The following ANKRD30B variants were observed in gnomAD, a reference collection of about 807,000 sequenced individuals.
The protein encoded by ANKRD30B is ankyrin repeat domain-containing protein 30B.
Under a neutral mutation model 202.2 loss-of-function variants are expected in ANKRD30B, and 144 were observed. The ratio of observed to expected loss-of-function variants is 0.71; its 90% CI spans 0.62 to 0.82. The LOEUF is 0.82. ANKRD30B is among the 40% of genes least tolerant of loss of function. ANKRD30B has a pLI of 0.00. For synonymous variants in ANKRD30B, 508 were observed against 561.3 expected (o/e 0.91, Z 1.34); for missense variants, 1,487 against 1,669.1 (o/e 0.89, Z 1.90).
chr18:14,766,803 C>T (rs1472632678), intron 7 of ANKRD30B, among the ~76,000 whole-genome samples: 1 of 152,136 alleles, frequency 6.6e-6, no homozygotes, highest in Non-Finnish European at 1.5e-5. Flanking sequence ...CAACATTTCA[C>T]AGAGTCAGAA....
chr18:14,808,385 C>A, intron 24 of ANKRD30B, 166 bp from the exon 25 acceptor site: 3 of 717,618 alleles, frequency 4.2e-6, no homozygotes, highest in South Asian at 1.5e-5. Flanking sequence ...TATTTCTGTC[C>A]CATTGGCATG....
At chr18:14,755,542 C>T (rs1008581815) in intron 4 of ANKRD30B, among the ~76,000 whole-genome samples, 1 of 151,972 alleles carries the variant, frequency 6.6e-6, no homozygotes, top group Non-Finnish European at 1.5e-5. Context: ...AATGCTATCC[C>T]TCCCCCTTCC....
the ANKRD30B span, among the ~76,000 whole-genome samples, chr18:14,901,578 T>C: frequency 6.6e-6 from 1 of 152,158 alleles, no homozygotes; most frequent in South Asian, 2.1e-4. Flanking sequence ...CTTCCTTTCT[T>C]TTAAGCTATT....
At position 14,772,188 on chromosome 18, in the gene ANKRD30B, A is replaced by G; in HGVS notation, c.1289A>G (p.Gln430Arg). 1 of 1,506,550 alleles carries G rather than the reference A, an allele frequency of 6.6e-7. No homozygotes were observed. Among genetic ancestry groups the G allele is most frequent in the South Asian group, 1.3e-5 (1 of 75,270 alleles). The allele number at this position is 1,506,550 out of a possible 1,614,324, so 93.3% of individuals were successfully genotyped here. A position where few individuals can be genotyped will look rare whatever the true frequency, so the allele number is the denominator to read the frequency against. Residue 430 changes from glutamine (Q) to arginine (R), a missense_variant, in exon 9 of 44, where the codon CAG (glutamine) becomes CGG (arginine). Physicochemically the swap from Gln to Arg is conservative, Grantham distance 43. Coordinates refer to ENST00000690538, the MANE Select transcript of ANKRD30B (RefSeq NM_001367607.2). ...GGCACACGGACTATTGAAAATTCAC[A>G]GTGTACAAAAGTTGAGGAAGACTTT... ...LFGTRTIENS[Q>R]CTKVEEDFNL...
intron 7 of ANKRD30B, among the ~76,000 whole-genome samples, chr18:14,767,198 C>G (rs765223039): frequency 2.0e-5 from 3 of 152,102 alleles, no homozygotes; most frequent in South Asian, 4.1e-4. Flanking sequence ...GAGTGGAGAT[C>G]TGTGTTGTGT....
At chr18:14,851,430 A>C in intron 41 of ANKRD30B, 79 bp from the exon 42 acceptor site, 2 of 1,393,506 alleles carry the variant, frequency 1.4e-6, no homozygotes. Context: ...TAAACGTACA[A>C]GTTGTTCTTT....
At chr18:14,806,476 C>A (rs1260312891) in intron 24 of ANKRD30B, among the ~76,000 whole-genome samples, 1 of 150,844 alleles carries the variant, frequency 6.6e-6, no homozygotes, top group African/African-American at 2.5e-5. Flanking sequence ...TGTGACCCGT[C>A]CTGATTTTAA....
the ANKRD30B span, among the ~76,000 whole-genome samples, chr18:14,877,440 G>A: frequency 2.0e-4 from 30 of 151,844 alleles, no homozygotes; most frequent in Non-Finnish European, 3.7e-4. Flanking sequence ...CCATAGCATG[G>A]GGGATAGTAA....
chr18:14,800,754 AT>A (rs1199374338), intron 22 of ANKRD30B, among the ~76,000 whole-genome samples: 2 of 91,056 alleles, frequency 2.2e-5, no homozygotes, highest in Middle Eastern at 4.5e-3. Flanking sequence ...AATACATAAA[AT>A]TTTTTTCAAC....
rs1032524109 is a variant in ANKRD30B, at chr18:14,754,998, T to A, written c.610T>A (p.Ser204Thr). ...TGCAAATGCAAACGCATTTAATGAG[T>A]CTAAATGGTATGGTAGTTCTTTTTT... ...KNANANAFNESKCTALMLAIC... is the reference protein window; with the variant it reads ...KNANANAFNETKCTALMLAIC... Residue 204 changes from serine to threonine, a missense_variant, in exon 4 of 44, where the codon TCT becomes ACT. Physicochemically the swap from Ser to Thr is moderately conservative, Grantham distance 58 (BLOSUM62 1). Around this residue, in one of 6 missense-constraint regions of ANKRD30B, gnomAD observed 889 missense variants for 841.4 expected, o/e 1.06. Coordinates refer to ENST00000690538, the MANE Select transcript of ANKRD30B (RefSeq NM_001367607.2). The A allele has an allele frequency of 8.0e-6, 12 of 1,499,950 alleles. No homozygotes were observed. In the African/African-American group the frequency reaches 1.4e-4, roughly 18 times the overall value. The allele number at this position is 1,499,950 out of a possible 1,614,324, so 92.9% of individuals were successfully genotyped here.
chr18:14,846,266 A>G (rs1402817528), intron 39 of ANKRD30B, among the ~76,000 whole-genome samples: 2 of 151,936 alleles, frequency 1.3e-5, no homozygotes, highest in East Asian at 1.9e-4. Context: ...TTTGGAACCA[A>G]CCCAGGGTTA....
At chr18:14,779,576 A>C (rs1007873205) in intron 10 of ANKRD30B, among the ~76,000 whole-genome samples, 1 of 152,220 alleles carries the variant, frequency 6.6e-6, no homozygotes, top group Admixed American at 6.5e-5. Flanking sequence ...TTGCTTAGTC[A>C]ATCAAACTAA....
chr18:14,779,875 C>A (rs1247155509), intron 10 of ANKRD30B, 85 bp from the exon 11 acceptor site: 5 of 937,616 alleles, frequency 5.3e-6, no homozygotes, highest in Non-Finnish European at 8.1e-6. Flanking sequence ...TCCACAGATT[C>A]ATGAATGAAA....
At position 14,822,524 on chromosome 18, in the gene ANKRD30B, A is replaced by G. The variant is rs1369118425; in HGVS notation, c.2670+13A>G. On this transcript the variant is annotated intron_variant, in intron 31 of 43. Coordinates refer to ENST00000690538, the MANE Select transcript of ANKRD30B (RefSeq NM_001367607.2). ...TGGTCTTCTGAAGGTAATAACTTTT[A>G]TATTTTTATCTTGAATATTAACTAC... The G allele has an allele frequency of 1.5e-6, 2 of 1,307,032 alleles. No individual in the cohort carries two copies. The highest frequency in any genetic ancestry group is 1.4e-5 in the African/African-American group (1 of 69,666). 81.0% of individuals were successfully genotyped at this position (1,307,032 alleles called of 1,614,324 possible). A position where few individuals can be genotyped will look rare whatever the true frequency, so the allele number is the denominator to read the frequency against.
chr18:14,814,592 A>C, intron 29 of ANKRD30B, 29 bp from the exon 30 acceptor site: 5 of 1,259,742 alleles, frequency 4.0e-6, no homozygotes, highest in Non-Finnish European at 5.5e-6. Flanking sequence ...TTCTCCATTG[A>C]AATTATTTAT....
At chr18:14,822,837 C>G (rs558205580) in intron 32 of ANKRD30B, among the ~76,000 whole-genome samples, 160 bp downstream of exon 32, 119 of 151,126 alleles carry the variant, frequency 7.9e-4, no homozygotes, top group Non-Finnish European at 1.0e-3. Flanking sequence ...GAGAAAATGC[C>G]ATTTACAAGC....
chr18:14,784,529 A>G lies in ANKRD30B; in HGVS notation c.1666A>G (p.Arg556Gly), dbSNP rs1428850923. 2 of 1,612,752 alleles carry G rather than the reference A, an allele frequency of 1.2e-6. No individual in the cohort carries two copies. Among genetic ancestry groups the G allele is most frequent in the East Asian group, 4.5e-5 (2 of 44,752 alleles). ...TGAATTGAAGAATGAACAAACATTG[A>G]GAGCAGGTAAATTTTTCAATTTAAC... ...AFELKNEQTL[R>G]AAQMFPSESK... Residue 556 changes from arginine to glycine, a missense_variant, in exon 14 of 44, where the codon AGA (arginine) becomes GGA (glycine). By Grantham distance (125) the Arg-to-Gly change is moderately radical. Coordinates refer to ENST00000690538, the MANE Select transcript of ANKRD30B (RefSeq NM_001367607.2).
chr18:14,807,084 T>C (rs1180857646), intron 24 of ANKRD30B, among the ~76,000 whole-genome samples: 2 of 151,078 alleles, frequency 1.3e-5, no homozygotes, highest in Admixed American at 1.3e-4. Context: ...TGCACATAAA[T>C]TTTGTGTGTT....
chr18:14,851,596 G>A lies in ANKRD30B; in HGVS notation c.3652G>A (p.Ala1218Thr). ...KEIAMLKLEVATLKHQHQVKE... is the reference protein window; with the variant it reads ...KEIAMLKLEVTTLKHQHQVKE... ...AATTGCCATGCTAAAACTGGAAGTA[G>A]CCACACTGAAACATCAACACCAGGT... is the stretch of plus-strand genomic sequence containing the variant. The change falls in exon 42 of 44, where the codon GCC (alanine) becomes ACC (threonine). Residue 1218 changes from alanine to threonine, a missense_variant. Physicochemically the swap from Ala to Thr is moderately conservative, Grantham distance 58 (BLOSUM62 0). Coordinates refer to ENST00000690538, the MANE Select transcript of ANKRD30B (RefSeq NM_001367607.2). 1 of 1,609,838 alleles carries A rather than the reference G, an allele frequency of 6.2e-7. No homozygotes were observed. Among genetic ancestry groups the A allele is most frequent in the Non-Finnish European group, 8.5e-7 (1 of 1,178,442 alleles).
Sources: gnomAD v4.1 joint callset for allele counts (sites outside exome capture counted in the v4.1 genomes callset) on GRCh38, gnomAD v4.1.1 for gene constraint, gnomAD v4.1.1 regional missense constraint, MANE v1.5 for transcripts, NCBI Gene and HGNC (gene_info 2026-07-23, HGNC 2026-07-21) for gene names.